The following SH3RF3 variants were observed in gnomAD, a reference collection of about 807,000 sequenced individuals.
SH3RF3 encodes SH3 domain containing ring finger 3, also known as E3 ubiquitin-protein ligase SH3RF3.
SH3RF3 carries 29 observed loss-of-function variants against 66.3 expected under a neutral mutation model. That is an observed-to-expected ratio of 0.44 (90% CI 0.33 to 0.60). SH3RF3 has a LOEUF of 0.60. SH3RF3 is among the 20% of genes least tolerant of loss of function. SH3RF3 has a pLI of 0.04. For synonymous variants in SH3RF3, 583 were observed against 532.0 expected (o/e 1.10, Z -1.32); for missense variants, 1,194 against 1,190.9 (o/e 1.00, Z -0.04).
At chr2:109,304,795 C>T (rs187513483) in intron 1 of SH3RF3, among the ~76,000 whole-genome samples, 12 of 152,228 alleles carry the variant, frequency 7.9e-5, no homozygotes, top group East Asian at 5.8e-4. Context: ...CAGCCCTGCC[C>T]GGGACAGCTG....
intron 1 of SH3RF3, among the ~76,000 whole-genome samples, chr2:109,296,749 C>T (rs1681319116): frequency 2.0e-5 from 3 of 152,132 alleles, no homozygotes; most frequent in Non-Finnish European, 4.4e-5. Context: ...AGAGGATTCG[C>T]GTGGCCTGGG....
At chr2:109,344,780 C>T (rs1044948239) in intron 1 of SH3RF3, among the ~76,000 whole-genome samples, 7 of 152,116 alleles carry the variant, frequency 4.6e-5, no homozygotes, top group Non-Finnish European at 7.3e-5. Flanking sequence ...AGGTCCTTGC[C>T]GAGCAGCTGA....
intron 1 of SH3RF3, among the ~76,000 whole-genome samples, chr2:109,265,759 T>TA (rs1289121405): frequency 6.6e-6 from 1 of 152,076 alleles, no homozygotes; most frequent in Non-Finnish European, 1.5e-5. Flanking sequence ...ATGTTTAATT[T>TA]AAAAAAAGAG....
chr2:109,424,488 C>G (rs1196522215), intron 5 of SH3RF3, among the ~76,000 whole-genome samples: 1 of 149,916 alleles, frequency 6.7e-6, no homozygotes, highest in Non-Finnish European at 1.5e-5. Flanking sequence ...ATTTTTTTTA[C>G]AAATTGAAGC....
chr2:109,399,446 TA>T (rs1676244460), intron 4 of SH3RF3, among the ~76,000 whole-genome samples: 1 of 116,506 alleles, frequency 8.6e-6, no homozygotes, highest in African/African-American at 3.2e-5. Context: ...CCATTTCCAC[TA>T]GTTTTTTTTT....
rs576861506 is a variant in SH3RF3, at chr2:109,161,836, G to A, written c.573+31723G>A. ...ATAGGGGATGCAAATACCTCCCATC[G>A]GGCCCCGTCCAACATTGGGGATCAC... On this transcript the variant is annotated intron_variant, in intron 1 of 9. Transcript: ENST00000309415. Among the ~76,000 whole-genome samples, 13 of 151,990 alleles carry A rather than the reference G, an allele frequency of 8.6e-5. No homozygotes were observed. In the South Asian group the frequency reaches 2.5e-3, roughly 29 times the overall value.
At chr2:109,417,959 G>C (rs1676769168) in intron 4 of SH3RF3, among the ~76,000 whole-genome samples, 1 of 152,114 alleles carries the variant, frequency 6.6e-6, no homozygotes, top group African/African-American at 2.4e-5. Flanking sequence ...AGGCCAGTCT[G>C]GGGGCAGGGC....
At chr2:109,251,357 G>C (rs901687684) in intron 1 of SH3RF3, 2 of 586,794 alleles carry the variant, frequency 3.4e-6, no homozygotes, top group East Asian at 3.6e-5. Context: ...CCGGCCTGCC[G>C]CGGGAGCATG....
At chr2:109,329,478 C>G (rs576173222) in intron 1 of SH3RF3, among the ~76,000 whole-genome samples, 2 of 152,176 alleles carry the variant, frequency 1.3e-5, no homozygotes, top group Non-Finnish European at 2.9e-5. Flanking sequence ...ATGGCTGGAG[C>G]GGTGTCTTTC....
Position 109,446,579 on chromosome 2 carries a change from T to C in SH3RF3, c.1829-2591T>C, listed in dbSNP as rs1007224199. Among the ~76,000 whole-genome samples, 13 of 152,222 alleles carry C rather than the reference T, an allele frequency of 8.5e-5. No individual in the cohort carries two copies. The East Asian group carries it at 2.3e-3, about 27-fold the overall frequency. On this transcript the variant is annotated intron_variant, in intron 7 of 9. Transcript: ENST00000309415. Reference sequence around the variant, plus strand: ...AGGCAGGTCTCTAGAAGGTGGTATCTGAGCCTTCCAGGCACCCGAGGGTCC... The same window carrying C: ...AGGCAGGTCTCTAGAAGGTGGTATCCGAGCCTTCCAGGCACCCGAGGGTCC...
intron 1 of SH3RF3, among the ~76,000 whole-genome samples, chr2:109,278,265 C>CACTTT (rs1680805648): frequency 6.6e-6 from 1 of 152,212 alleles, no homozygotes; most frequent in South Asian, 2.1e-4. Context: ...CCACGGTAGG[C>CACTTT]ACTTTATCGG....
chr2:109,314,720 A>G (rs1483389856), intron 1 of SH3RF3, among the ~76,000 whole-genome samples: 1 of 152,220 alleles, frequency 6.6e-6, no homozygotes, highest in Non-Finnish European at 1.5e-5. Context: ...TCTTTTTACA[A>G]GTGCATAATA....
chr2:109,218,382 G>A (rs1679150941), intron 1 of SH3RF3, among the ~76,000 whole-genome samples: 1 of 152,114 alleles, frequency 6.6e-6, no homozygotes, highest in African/African-American at 2.4e-5. Flanking sequence ...CTGAGTTGCT[G>A]GATGAAATGT....
At chr2:109,388,272 T>C (rs1675877712) in intron 3 of SH3RF3, among the ~76,000 whole-genome samples, 1 of 152,210 alleles carries the variant, frequency 6.6e-6, no homozygotes, top group African/African-American at 2.4e-5. Context: ...AGCACTTTCA[T>C]TCAATTTTTC....
chr2:109,434,470 G>A (rs980827919), intron 6 of SH3RF3, among the ~76,000 whole-genome samples: 10 of 152,198 alleles, frequency 6.6e-5, no homozygotes, highest in African/African-American at 2.2e-4. Flanking sequence ...TTGGGACATC[G>A]CCTGGCCGGG....
At chr2:109,465,818 A>G (rs1678326650) in intron 8 of SH3RF3, among the ~76,000 whole-genome samples, 2 of 151,976 alleles carry the variant, frequency 1.3e-5, no homozygotes, top group South Asian at 4.1e-4. Flanking sequence ...CCTTTAAACA[A>G]TCAGGTCTCA....
intron 1 of SH3RF3, among the ~76,000 whole-genome samples, chr2:109,340,071 A>G (rs931535674): frequency 3.9e-5 from 6 of 152,156 alleles, no homozygotes; most frequent in African/African-American, 7.2e-5. Flanking sequence ...GTGAGCAGTA[A>G]TCGGGTTATC....
chr2:109,143,715 C>T (rs895814300), intron 1 of SH3RF3, among the ~76,000 whole-genome samples: 1 of 152,264 alleles, frequency 6.6e-6, no homozygotes, highest in Middle Eastern at 3.4e-3. Context: ...GATCGCACCA[C>T]TGCACTCCAG....
chr2:109,342,116 G>T (rs1169906048), intron 1 of SH3RF3, among the ~76,000 whole-genome samples: 1 of 152,234 alleles, frequency 6.6e-6, no homozygotes. Context: ...CAGGTGGGCA[G>T]ACTCTGTGTC....
Sources: gnomAD v4.1 joint callset for allele counts (sites outside exome capture counted in the v4.1 genomes callset) on GRCh38, gnomAD v4.1.1 for gene constraint, MANE v1.5 for transcripts, NCBI Gene and HGNC (gene_info 2026-07-23, HGNC 2026-07-21) for gene names.